Variants in LAMA2 observed in about 807,000 individuals in gnomAD.
LAMA2 encodes laminin subunit alpha-2.
Under a neutral mutation model 364.8 loss-of-function variants are expected in LAMA2, and 269 were observed. That is an observed-to-expected ratio of 0.74 (90% confidence interval 0.67 to 0.82). The LOEUF (loss-of-function observed/expected upper bound fraction) is 0.82, where lower values mean the gene tolerates loss of function less well. Among genes scored for constraint, LAMA2 ranks in the 40% least tolerant of loss-of-function variants. The pLI is 0.00. For synonymous variants in LAMA2, 1,379 were observed against 1,370.6 expected (o/e 1.01, Z -0.14); for missense variants, 3,807 against 3,873.2 (o/e 0.98, Z 0.45).
intron 12 of LAMA2, among the ~76,000 whole-genome samples, chr6:129,224,942 G>A (rs1038357895): frequency 1.3e-5 from 2 of 152,086 alleles, no homozygotes; most frequent in African/African-American, 4.8e-5. Flanking sequence ...GGTAGAATTC[G>A]GCTGTGAATC....
intron 12 of LAMA2, among the ~76,000 whole-genome samples, chr6:129,204,273 T>A (rs1386387789): frequency 6.6e-6 from 1 of 152,226 alleles, no homozygotes; most frequent in African/African-American, 2.4e-5. Context: ...CATCGCTTCA[T>A]GTCTTCCCAA....
chr6:129,207,511 G>A (rs1782755912), intron 12 of LAMA2, among the ~76,000 whole-genome samples: 1 of 152,074 alleles, frequency 6.6e-6, no homozygotes, highest in Non-Finnish European at 1.5e-5. Context: ...GAGCCCCTTA[G>A]AGATTCTTTT....
At chr6:129,074,765 G>A (rs1198246752) in intron 3 of LAMA2, among the ~76,000 whole-genome samples, 1 of 152,026 alleles carries the variant, frequency 6.6e-6, no homozygotes, top group African/African-American at 2.4e-5. Context: ...ACATTTTGAT[G>A]GATTATGAAG....
intron 12 of LAMA2, among the ~76,000 whole-genome samples, chr6:129,203,524 AAGG>A (rs1335936413): frequency 6.6e-6 from 1 of 152,220 alleles, no homozygotes; most frequent in African/African-American, 2.4e-5. Context: ...GTGAAGACAC[AAGG>A]AGAAGACAGC....
intron 31 of LAMA2, among the ~76,000 whole-genome samples, chr6:129,349,874 C>A (rs920875069): frequency 4.0e-5 from 6 of 151,878 alleles, no homozygotes; most frequent in Non-Finnish European, 7.4e-5. Context: ...TTAATTAGTA[C>A]CCAGACAATA....
chr6:129,205,493 T>C (rs200968333), intron 12 of LAMA2, among the ~76,000 whole-genome samples: 7,355 of 104,082 alleles, frequency 0.071, 267 homozygotes, highest in Middle Eastern at 0.11. Context: ...TATATATATA[T>C]ACACACACAC....
chr6:128,962,038 C>A (rs1781552077), intron 1 of LAMA2, among the ~76,000 whole-genome samples: 1 of 146,702 alleles, frequency 6.8e-6, no homozygotes, highest in Admixed American at 6.7e-5. Flanking sequence ...CATCCTATCC[C>A]CAGCTTCCTC....
At chr6:129,464,996 C>A in intron 50 of LAMA2, 149 bp from the exon 51 acceptor site, 2 of 698,750 alleles carry the variant, frequency 2.9e-6, no homozygotes, top group Non-Finnish European at 2.5e-6. Flanking sequence ...ATAGTAACAC[C>A]AATTCTATTT....
In LAMA2 at chr6:129,297,737, A is replaced by T. The variant is rs758005823; in HGVS notation, c.2909A>T (p.Asn970Ile). 11 of 1,613,972 alleles carry T rather than the reference A, an allele frequency of 6.8e-6. No individual in the cohort carries two copies. The highest frequency in any genetic ancestry group is 1.7e-5 in the Admixed American group (1 of 59,998). ...SARGCVPCNC[N>I]SFGSKSFDCE... Reference sequence around the variant, plus strand: ...AGGGGCTGTGTTCCCTGCAACTGCAATTCTTTTGGGTCTAAGTCATTCGAC... The same window carrying T: ...AGGGGCTGTGTTCCCTGCAACTGCATTTCTTTTGGGTCTAAGTCATTCGAC... The change falls in exon 21 of 65, where the codon AAT (asparagine) becomes ATT (isoleucine). Residue 970 changes from asparagine (N) to isoleucine (I), a missense_variant. Physicochemically the swap from Asn to Ile is moderately radical, Grantham distance 149 (BLOSUM62 -3). Coordinates refer to ENST00000421865, the MANE Select transcript of LAMA2 (RefSeq NM_000426.4).
At chr6:129,281,709 A>G (rs554574800) in intron 18 of LAMA2, among the ~76,000 whole-genome samples, 2 of 152,274 alleles carry the variant, frequency 1.3e-5, no homozygotes, top group South Asian at 4.1e-4. Context: ...TACCTGACAG[A>G]AAGTATGATT....
At chr6:129,327,201 G>A (rs1160990485) in intron 28 of LAMA2, among the ~76,000 whole-genome samples, 1 of 152,046 alleles carries the variant, frequency 6.6e-6, no homozygotes, top group African/African-American at 2.4e-5. Flanking sequence ...AAGTACTTTT[G>A]CATTATCCAA....
chr6:129,389,973 A>G (rs1183320873), intron 35 of LAMA2, among the ~76,000 whole-genome samples: 1 of 152,218 alleles, frequency 6.6e-6, no homozygotes, highest in South Asian at 2.1e-4. Context: ...CACATTGGGA[A>G]TTAGGTTTCA....
At chr6:129,477,374 C>T (rs1784117635) in intron 53 of LAMA2, among the ~76,000 whole-genome samples, 1 of 152,162 alleles carries the variant, frequency 6.6e-6, no homozygotes, top group African/African-American at 2.4e-5. Flanking sequence ...GAAGTATCAT[C>T]ATCACTGACA....
At chr6:129,202,488 C>T (rs1782369314) in intron 12 of LAMA2, among the ~76,000 whole-genome samples, 1 of 152,012 alleles carries the variant, frequency 6.6e-6, no homozygotes, top group Admixed American at 6.6e-5. Flanking sequence ...AAGGAGGTAC[C>T]ACCTTGGAAG....
chr6:129,179,558 A>G (rs1780809339), intron 10 of LAMA2, among the ~76,000 whole-genome samples: 1 of 152,194 alleles, frequency 6.6e-6, no homozygotes, highest in Admixed American at 6.6e-5. Flanking sequence ...TCTCAGCCGA[A>G]CTCAATATTG....
At chr6:129,136,030 G>GAA (rs966200137) in intron 4 of LAMA2, among the ~76,000 whole-genome samples, 1 of 146,916 alleles carries the variant, frequency 6.8e-6, no homozygotes, top group Non-Finnish European at 1.5e-5. Flanking sequence ...TCCTTTCAGA[G>GAA]AAAAAAAAAA....
chr6:128,942,793 C>T (rs1439306780), intron 1 of LAMA2, among the ~76,000 whole-genome samples: 1 of 152,144 alleles, frequency 6.6e-6, no homozygotes, highest in Non-Finnish European at 1.5e-5. Flanking sequence ...TCCATTGGTA[C>T]CTGCCTCAGT....
chr6:129,372,063 G>A (rs1389849604), intron 34 of LAMA2, among the ~76,000 whole-genome samples: 1 of 152,100 alleles, frequency 6.6e-6, no homozygotes, highest in African/African-American at 2.4e-5. Context: ...AAAGTTCAGA[G>A]TGTTCTCATA....
chr6:129,461,737 A>T (rs1273965344), intron 49 of LAMA2, among the ~76,000 whole-genome samples: 1 of 152,052 alleles, frequency 6.6e-6, no homozygotes, highest in Non-Finnish European at 1.5e-5. Flanking sequence ...CACATAAAGT[A>T]TTATGCTAAT....
Sources: gnomAD v4.1 joint callset for allele counts (sites outside exome capture counted in the v4.1 genomes callset) on GRCh38, gnomAD v4.1.1 for gene constraint, MANE v1.5 for transcripts, NCBI Gene and HGNC (gene_info 2026-07-23, HGNC 2026-07-21) for gene names.